Variants in EPB41L4B observed in about 807,000 individuals in gnomAD.
EPB41L4B encodes the protein band 4.1-like protein 4B.
Under a neutral mutation model 112.5 loss-of-function variants are expected in EPB41L4B, and 30 were observed. The observed-to-expected ratio is 0.27, with a 90% CI of 0.20 to 0.36. The LOEUF (loss-of-function observed/expected upper bound fraction) is 0.36, where lower values mean the gene tolerates loss of function less well. EPB41L4B is among the 10% of genes least tolerant of loss of function. The pLI, the probability that EPB41L4B is intolerant of heterozygous loss-of-function variation, is 1.00. For synonymous variants in EPB41L4B, 408 were observed against 439.7 expected (o/e 0.93, Z 0.90); for missense variants, 1,024 against 1,133.3 (o/e 0.90, Z 1.38).
intron 1 of EPB41L4B, among the ~76,000 whole-genome samples, chr9:109,317,611 T>A (rs2119296355): frequency 6.6e-6 from 1 of 152,342 alleles, no homozygotes; most frequent in East Asian, 1.9e-4. Context: ...TGACAGCACA[T>A]AGCCAACTTT....
chr9:109,320,861 A>G lies in EPB41L4B; in HGVS notation c.-415T>C, dbSNP rs1837850963. The G allele has an allele frequency of 6.8e-6, 1 of 146,654 alleles. No homozygotes were observed. The highest frequency in any genetic ancestry group is 6.8e-5 in the Admixed American group (1 of 14,728). The allele number at this position is 146,654 out of a possible 1,614,324, so 9.1% of individuals were successfully genotyped here. A position where few individuals can be genotyped will look rare whatever the true frequency, so the allele number is the denominator to read the frequency against. ...CGCGCGCCGGCCGAGGGCCAGCCGG[A>G]GCAGGGCGCCTGCGTGGTCCTGGCG... On this transcript the variant is annotated 5_prime_UTR_variant, in exon 1 of 26. Transcript: ENST00000374566.
chr9:109,203,057 G>A (rs1832887076), intron 19 of EPB41L4B, among the ~76,000 whole-genome samples: 1 of 152,160 alleles, frequency 6.6e-6, no homozygotes, highest in Non-Finnish European at 1.5e-5. Context: ...AGGAGGCTGA[G>A]GCACAAGAAT....
In EPB41L4B at chr9:109,241,839, G is replaced by A. The variant is rs745355941; in HGVS notation, c.1409+1779C>T. On this transcript the variant is annotated intron_variant, in intron 15 of 25. Coordinates refer to ENST00000374566, the MANE Select transcript of EPB41L4B (RefSeq NM_019114.5). ...TTTGTTTGCAGAGCGAATGGTTAGT[G>A]GGAGAATGGAAGAAAATGCAGAAAT... The A allele has an allele frequency of 1.9e-6, 3 of 1,611,268 alleles. 1 individual carries two copies. In the South Asian group the frequency reaches 3.3e-5, roughly 18 times the overall value.
chr9:109,276,144 C>T lies in EPB41L4B; in HGVS notation c.411+3673G>A, dbSNP rs1040812006. On this transcript the variant is annotated intron_variant, in intron 2 of 25. Coordinates refer to ENST00000374566, the MANE Select transcript of EPB41L4B (RefSeq NM_019114.5). ...ATAGTGTATATATACATAATATATACGTGTGTGTATACACACACACACACA... is the reference window on the plus strand; with the variant it reads ...ATAGTGTATATATACATAATATATATGTGTGTGTATACACACACACACACA... 7.8e-5 allele frequency among the ~76,000 whole-genome samples: 11 copies of T among 140,130 alleles called. No homozygotes were observed. The South Asian group carries it at 9.1e-4, about 12-fold the overall frequency. 91.9% of individuals were successfully genotyped at this position (140,130 alleles called of 152,430 possible). A position where few individuals can be genotyped will look rare whatever the true frequency, so the allele number is the denominator to read the frequency against.
At chr9:109,247,127 A>G (rs1834586415) in intron 14 of EPB41L4B, among the ~76,000 whole-genome samples, 1 of 150,990 alleles carries the variant, frequency 6.6e-6, no homozygotes, top group Non-Finnish European at 1.5e-5. Flanking sequence ...AGCTCCCCCA[A>G]ATAGCTGGCA....
intron 15 of EPB41L4B, among the ~76,000 whole-genome samples, chr9:109,230,565 G>A (rs1194594453): frequency 6.6e-6 from 1 of 152,202 alleles, no homozygotes; most frequent in Non-Finnish European, 1.5e-5. Flanking sequence ...TTCCCAGATA[G>A]CTGTCGCTTA....
chr9:109,220,480 C>T (rs925144555), intron 15 of EPB41L4B, among the ~76,000 whole-genome samples: 3 of 152,164 alleles, frequency 2.0e-5, no homozygotes, highest in African/African-American at 7.2e-5. Flanking sequence ...TAGGAGACTG[C>T]CGCAGGGCGG....
intron 15 of EPB41L4B, among the ~76,000 whole-genome samples, chr9:109,222,733 G>T (rs1340012143): frequency 6.6e-6 from 1 of 152,196 alleles, no homozygotes; most frequent in Non-Finnish European, 1.5e-5. Context: ...CAGTTGAAAA[G>T]AAATCTAGTG....
chr9:109,282,816 G>A (rs913742408), intron 1 of EPB41L4B, among the ~76,000 whole-genome samples: 9 of 151,988 alleles, frequency 5.9e-5, no homozygotes, highest in Non-Finnish European at 1.0e-4. Context: ...TCAGCCTCCC[G>A]AGTAGCTGGG....
chr9:109,250,819 C>A (rs190509152), intron 13 of EPB41L4B, among the ~76,000 whole-genome samples: 6 of 152,308 alleles, frequency 3.9e-5, no homozygotes. Flanking sequence ...TGGGCCAAAT[C>A]TGGTCCACTG....
intron 15 of EPB41L4B, among the ~76,000 whole-genome samples, chr9:109,237,265 G>T (rs554847142): frequency 6.6e-6 from 1 of 152,136 alleles, no homozygotes; most frequent in Non-Finnish European, 1.5e-5. Flanking sequence ...TAGGCAAAAG[G>T]GTTTTGAAGA....
chr9:109,316,225 T>C (rs1047796470), intron 1 of EPB41L4B, among the ~76,000 whole-genome samples: 3 of 152,220 alleles, frequency 2.0e-5, no homozygotes, highest in African/African-American at 7.2e-5. Context: ...TGAGTCAATG[T>C]TGAGTTCCAG....
In EPB41L4B at chr9:109,255,794, C is replaced by A. The variant is rs1233872648; in HGVS notation, c.979G>T (p.Val327Leu). 1.9e-6 allele frequency: 3 copies of A among 1,613,882 alleles called. No homozygotes were observed. The highest frequency in any genetic ancestry group is 2.2e-5 in the South Asian group (2 of 90,938). Residue 327 changes from valine to leucine, a missense_variant, in exon 10 of 26, where the codon GTG becomes TTG. Transcript: ENST00000374566. ...DFKKSKLTLV[V>L]VEDDDQGREQ... ...CCTACCTGATCATCATCCTCGACCA[C>A]CACGAGTGTCAATTTGCTCTTTTTA...
At chr9:109,182,473 G>A (rs1832100836) in intron 24 of EPB41L4B, among the ~76,000 whole-genome samples, 1 of 152,172 alleles carries the variant, frequency 6.6e-6, no homozygotes, top group South Asian at 2.1e-4. Flanking sequence ...AAAATGTATT[G>A]GAACTGATAG....
chr9:109,236,378 T>C (rs1356797939), intron 15 of EPB41L4B, among the ~76,000 whole-genome samples: 1 of 152,144 alleles, frequency 6.6e-6, no homozygotes, highest in African/African-American at 2.4e-5. Context: ...TAGTTACTTA[T>C]TATGATGTGT....
At chr9:109,176,890 C>A (rs1364518075) in intron 24 of EPB41L4B, among the ~76,000 whole-genome samples, 194 bp from the exon 25 acceptor site, 2 of 152,116 alleles carry the variant, frequency 1.3e-5, no homozygotes. Flanking sequence ...TCTTGACAAC[C>A]CTTTAAGGTA....
At chr9:109,223,162 G>A (rs910812614) in intron 15 of EPB41L4B, among the ~76,000 whole-genome samples, 10 of 152,142 alleles carry the variant, frequency 6.6e-5, no homozygotes, top group South Asian at 4.1e-4. Flanking sequence ...ATGCTAGGCC[G>A]GGCGCAATGG....
At chr9:109,266,075 C>T (rs1031853759) in intron 4 of EPB41L4B, among the ~76,000 whole-genome samples, 1 of 152,188 alleles carries the variant, frequency 6.6e-6, no homozygotes, top group African/African-American at 2.4e-5. Context: ...TTCTGAATGT[C>T]AGGATACCAT....
At position 109,173,809 on chromosome 9, in the gene EPB41L4B, C is replaced by T. The variant is rs936975357; in HGVS notation, c.*745G>A. ...TCTTCTGGTCAAGATTCTATCAATACGACATGAATCGATCAACTTTAGAAA... is the reference window on the plus strand; with the variant it reads ...TCTTCTGGTCAAGATTCTATCAATATGACATGAATCGATCAACTTTAGAAA... On this transcript the variant is annotated 3_prime_UTR_variant, in exon 26 of 26. Coordinates refer to ENST00000374566, the MANE Select transcript of EPB41L4B (RefSeq NM_019114.5). 2.5e-4 allele frequency: 38 copies of T among 152,478 alleles called. 1 individual carries two copies. The highest frequency in any genetic ancestry group is 4.4e-4 in the Non-Finnish European group (30 of 68,022). 9.4% of individuals were successfully genotyped at this position (152,478 alleles called of 1,614,324 possible).
Sources: allele counts gnomAD v4.1 joint callset (sites outside exome capture counted in the v4.1 genomes callset), GRCh38; gene constraint gnomAD v4.1.1; transcripts MANE v1.5; gene names NCBI Gene and HGNC (gene_info 2026-07-23, HGNC 2026-07-21).